Variants in EVI5 observed in about 807,000 individuals in gnomAD.
EVI5 encodes ecotropic viral integration site 5, also known as ecotropic viral integration site 5 protein homolog.
In EVI5, 73 loss-of-function variants were observed where a neutral mutation model predicts 112.0. The ratio of observed to expected loss-of-function variants is 0.65; its 90% CI spans 0.54 to 0.79. The LOEUF (loss-of-function observed/expected upper bound fraction) is 0.79, where lower values mean the gene tolerates loss of function less well. EVI5 is among the 30% of genes least tolerant of loss of function. The pLI, the probability that EVI5 is intolerant of heterozygous loss-of-function variation, is 0.00. For synonymous variants in EVI5, 305 were observed against 319.9 expected, an observed-to-expected ratio of 0.95 and a Z score of 0.50; for missense variants, 900 against 968.8, an observed-to-expected ratio of 0.93 and a Z score of 0.94.
intron 19 of EVI5, among the ~76,000 whole-genome samples, chr1:92,538,117 A>T (rs1374665284): frequency 1.3e-5 from 2 of 152,190 alleles, no homozygotes; most frequent in Non-Finnish European, 2.9e-5. Flanking sequence ...TACAGTGCAT[A>T]CTTAGATGTA....
chr1:92,509,617 C>T lies in EVI5; in HGVS notation c.*4039G>A, dbSNP rs1253727334. On this transcript the variant is annotated 3_prime_UTR_variant, in exon 20 of 20. Transcript: ENST00000684568. ...CAAACTCCTGTACTCTAGTGATCCT[C>T]CTGCCTCAGCCTCTTGAGTAGGTGG... 6.6e-6 allele frequency: 1 copy of T among 152,166 alleles called. No individual in the cohort carries two copies. The highest frequency in any genetic ancestry group is 2.4e-5 in the African/African-American group (1 of 41,408). 9.4% of individuals were successfully genotyped at this position (152,166 alleles called of 1,614,324 possible). A position where few individuals can be genotyped will look rare whatever the true frequency, so the allele number is the denominator to read the frequency against.
chr1:92,772,455 G>C (rs1200579366), intron 1 of EVI5, among the ~76,000 whole-genome samples: 2 of 151,812 alleles, frequency 1.3e-5, no homozygotes, highest in East Asian at 4.0e-4. Flanking sequence ...AATTAGCCGG[G>C]CTTGGTGGCG....
chr1:92,667,890 C>T (rs540929873), intron 10 of EVI5, among the ~76,000 whole-genome samples: 14 of 152,334 alleles, frequency 9.2e-5, no homozygotes, highest in African/African-American at 3.1e-4. Context: ...GCTGGGATTA[C>T]AGGCATAAGC....
At chr1:92,722,019 T>C (rs1236498357) in intron 2 of EVI5, among the ~76,000 whole-genome samples, 2 of 144,712 alleles carry the variant, frequency 1.4e-5, no homozygotes, top group Non-Finnish European at 3.0e-5. Context: ...ACTTTGTCAG[T>C]CCTGCCCCAA....
intron 9 of EVI5, among the ~76,000 whole-genome samples, chr1:92,682,638 G>A (rs146382019): frequency 0.04 from 6,135 of 152,096 alleles, 371 homozygotes; most frequent in African/African-American, 0.13. Flanking sequence ...GGTGGCATGC[G>A]CCTCTAGTCC....
At chr1:92,622,295 A>G (rs1160847970) in intron 16 of EVI5, 1 of 446,770 alleles carries the variant, frequency 2.2e-6, no homozygotes, top group Non-Finnish European at 4.5e-6. Context: ...ACTTGGTTTT[A>G]CGCATTAAAA....
chr1:92,603,788 C>G (rs1305848881), intron 18 of EVI5, among the ~76,000 whole-genome samples: 1 of 151,800 alleles, frequency 6.6e-6, no homozygotes, highest in Non-Finnish European at 1.5e-5. Context: ...GAGTGCAGTG[C>G]TGTGATCATG....
At chr1:92,712,600 A>C (rs985186781) in intron 2 of EVI5, among the ~76,000 whole-genome samples, 6 of 152,066 alleles carry the variant, frequency 3.9e-5, no homozygotes, top group African/African-American at 1.4e-4. Context: ...GAGAACTGAT[A>C]AAAAAATTTA....
intron 2 of EVI5, among the ~76,000 whole-genome samples, chr1:92,728,153 A>G (rs1675876268): frequency 6.6e-6 from 1 of 152,178 alleles, no homozygotes; most frequent in South Asian, 2.1e-4. Context: ...AAAGATAAAG[A>G]AGGTCATTTT....
chr1:92,756,222 G>A (rs1327627164), intron 1 of EVI5: 11 of 420,282 alleles, frequency 2.6e-5, no homozygotes, highest in Non-Finnish European at 5.3e-5. Flanking sequence ...CCTATCAGTG[G>A]AATGGACCTC....
At chr1:92,706,980 G>A (rs1042635575) in intron 2 of EVI5, among the ~76,000 whole-genome samples, 3 of 151,848 alleles carry the variant, frequency 2.0e-5, no homozygotes, top group East Asian at 1.9e-4. Context: ...TTGGGAGTTC[G>A]AGACCAGCCT....
At chr1:92,675,122 C>A (rs1010461666) in intron 10 of EVI5, among the ~76,000 whole-genome samples, 1 of 152,162 alleles carries the variant, frequency 6.6e-6, no homozygotes, top group Non-Finnish European at 1.5e-5. Context: ...GCAGGTGGAT[C>A]GCCTGCACTC....
At chr1:92,774,863 C>A (rs1428309007) in intron 1 of EVI5, among the ~76,000 whole-genome samples, 2 of 152,114 alleles carry the variant, frequency 1.3e-5, no homozygotes, top group Non-Finnish European at 2.9e-5. Context: ...GCTAAAAATG[C>A]AAAATAAACA....
chr1:92,646,230 C>T (rs1315569117), intron 13 of EVI5, among the ~76,000 whole-genome samples: 1 of 152,056 alleles, frequency 6.6e-6, no homozygotes, highest in Non-Finnish European at 1.5e-5. Flanking sequence ...TTTCAGCATT[C>T]TAAACATACA....
chr1:92,606,666 G>A (rs1027739353), intron 17 of EVI5, among the ~76,000 whole-genome samples: 1 of 151,890 alleles, frequency 6.6e-6, no homozygotes, highest in Admixed American at 6.6e-5. Context: ...CTTCACTCTT[G>A]GTTTTTAATG....
chr1:92,653,652 T>C (rs1441215502), intron 13 of EVI5, among the ~76,000 whole-genome samples: 1 of 152,190 alleles, frequency 6.6e-6, no homozygotes. Flanking sequence ...GTGGTCTTAC[T>C]GGCAATCAGT....
intron 19 of EVI5, among the ~76,000 whole-genome samples, chr1:92,554,231 A>T (rs1667371827): frequency 6.6e-6 from 1 of 152,244 alleles, no homozygotes; most frequent in African/African-American, 2.4e-5. Flanking sequence ...TTAGGTTCTC[A>T]TCTGAGAGAA....
intron 9 of EVI5, among the ~76,000 whole-genome samples, chr1:92,682,746 AAAAG>A (rs570952630): frequency 2.8e-4 from 42 of 152,336 alleles, no homozygotes; most frequent in African/African-American, 8.9e-4. Context: ...GTCTCAAAAA[AAAAG>A]AAAGAAACAA....
chr1:92,674,972 A>T (rs1335749505), intron 10 of EVI5, among the ~76,000 whole-genome samples: 1 of 152,236 alleles, frequency 6.6e-6, no homozygotes, highest in Non-Finnish European at 1.5e-5. Flanking sequence ...CAACTGCCTG[A>T]GACACATGGA....
Sources: gnomAD v4.1 joint callset for allele counts (sites outside exome capture counted in the v4.1 genomes callset) on GRCh38, gnomAD v4.1.1 for gene constraint, MANE v1.5 for transcripts, NCBI Gene and HGNC (gene_info 2026-07-23, HGNC 2026-07-21) for gene names.